Variants in PRKCE observed in about 807,000 individuals in gnomAD.
The protein encoded by PRKCE is protein kinase C epsilon type.
Under a neutral mutation model 85.4 loss-of-function variants are expected in PRKCE, and 16 were observed. The observed-to-expected ratio is 0.19, with a 90% CI of 0.13 to 0.28. The LOEUF (loss-of-function observed/expected upper bound fraction) is 0.28. Among genes scored for constraint, PRKCE ranks in the 10% least tolerant of loss-of-function variants. The pLI, the probability that PRKCE is intolerant of heterozygous loss-of-function variation, is 1.00. For missense variants in PRKCE, 573 were observed against 975.2 expected (o/e 0.59, Z 5.49); for synonymous variants, 388 against 371.5 (o/e 1.04, Z -0.51).
intron 10 of PRKCE, among the ~76,000 whole-genome samples, chr2:46,054,974 A>G (rs2105084509): frequency 6.6e-6 from 1 of 152,208 alleles, no homozygotes; most frequent in African/African-American, 2.4e-5. Flanking sequence ...TTCCCACTCC[A>G]TCCCCTTTTC....
chr2:45,978,672 C>A, intron 3 of PRKCE: 3 of 317,504 alleles, frequency 9.4e-6, no homozygotes, highest in South Asian at 9.6e-5. Context: ...CTACCAGGAG[C>A]AAGCAGGGTC....
At chr2:45,754,145 A>G (rs996274850) in intron 1 of PRKCE, among the ~76,000 whole-genome samples, 46 of 152,302 alleles carry the variant, frequency 3.0e-4, no homozygotes, top group Non-Finnish European at 5.4e-4. Flanking sequence ...GAGCTGTTGA[A>G]ATGCATCTGA....
At chr2:45,984,749 C>T in intron 6 of PRKCE, 69 bp downstream of exon 6, 11 of 1,541,030 alleles carry the variant, frequency 7.1e-6, no homozygotes, top group Non-Finnish European at 9.6e-6. Context: ...CCCATCCCTG[C>T]TTTATAAAAA....
At chr2:46,029,815 G>A (rs1455934320) in intron 10 of PRKCE, among the ~76,000 whole-genome samples, 2 of 152,008 alleles carry the variant, frequency 1.3e-5, no homozygotes. Flanking sequence ...AACTCCTGCA[G>A]CTTTTTTTGA....
intron 2 of PRKCE, among the ~76,000 whole-genome samples, chr2:45,896,688 C>T (rs1408071853): frequency 6.6e-6 from 1 of 152,202 alleles, no homozygotes; most frequent in Non-Finnish European, 1.5e-5. Context: ...AAAACATATG[C>T]AGTTGGCAAA....
At chr2:45,696,385 C>A (rs1214983615) in intron 1 of PRKCE, among the ~76,000 whole-genome samples, 1 of 151,994 alleles carries the variant, frequency 6.6e-6, no homozygotes, top group Non-Finnish European at 1.5e-5. Context: ...ATTGCCAGGG[C>A]CCCAAAAGAG....
At chr2:45,758,075 G>A (rs1417224036) in intron 1 of PRKCE, among the ~76,000 whole-genome samples, 1 of 152,212 alleles carries the variant, frequency 6.6e-6, no homozygotes, top group Non-Finnish European at 1.5e-5. Flanking sequence ...CCAGTACAGA[G>A]AAGGCTGAGG....
In PRKCE at chr2:45,667,081, C is replaced by T. The variant is rs563146750; in HGVS notation, c.348+14633C>T. Reference sequence around the variant, plus strand: ...ATCCCAGCACTTTGGGAGGCCGGGGCGGGCGAATCACCTGAGGTCAGGAGT... The same window carrying T: ...ATCCCAGCACTTTGGGAGGCCGGGGTGGGCGAATCACCTGAGGTCAGGAGT... On this transcript the variant is annotated intron_variant, in intron 1 of 14. Coordinates refer to ENST00000306156, the MANE Select transcript of PRKCE (RefSeq NM_005400.3). Among the ~76,000 whole-genome samples, 232 of 152,228 alleles carry T rather than the reference C, an allele frequency of 1.5e-3. 1 individual carries two copies. The highest frequency in any genetic ancestry group is 2.7e-3 in the Admixed American group (42 of 15,294).
rs1474891721 is a variant in PRKCE at position 46,155,119 on chromosome 2, C to T, written c.1920+3890C>T. Reference sequence around the variant, plus strand: ...GGGTGGGGCAGGGTAAACGGAGACCCCTCATGATCCCCCAGCAGCAACGAG... The same window carrying T: ...GGGTGGGGCAGGGTAAACGGAGACCTCTCATGATCCCCCAGCAGCAACGAG... On this transcript the variant is annotated intron_variant, in intron 13 of 14. Transcript: ENST00000306156. This position sits in a 1 kb window ranked among gnomAD's most constrained non-coding sequence, Gnocchi z 4.7. 2.0e-5 allele frequency among the ~76,000 whole-genome samples: 3 copies of T among 152,142 alleles called. No individual in the cohort carries two copies. Among genetic ancestry groups the T allele is most frequent in the Non-Finnish European group, 4.4e-5 (3 of 68,034 alleles).
chr2:46,124,272 C>A (rs1673632873), intron 11 of PRKCE, among the ~76,000 whole-genome samples: 1 of 152,108 alleles, frequency 6.6e-6, no homozygotes, highest in South Asian at 2.1e-4. Flanking sequence ...TTGCAGTGAT[C>A]CAAGATCGCA....
At chr2:46,082,415 G>C (rs1242866141) in intron 10 of PRKCE, among the ~76,000 whole-genome samples, 2 of 152,216 alleles carry the variant, frequency 1.3e-5, no homozygotes, top group Non-Finnish European at 2.9e-5. Flanking sequence ...TTTCTGAAGG[G>C]TGAAGCTTTG....
intron 1 of PRKCE, among the ~76,000 whole-genome samples, chr2:45,828,448 A>T (rs552919128): frequency 6.6e-6 from 1 of 152,326 alleles, no homozygotes; most frequent in South Asian, 2.1e-4. Context: ...TTTCCTTAAT[A>T]TGTTCAAACT....
chr2:45,996,265 T>C (rs1574160719), intron 6 of PRKCE, among the ~76,000 whole-genome samples: 1 of 152,214 alleles, frequency 6.6e-6, no homozygotes, highest in Non-Finnish European at 1.5e-5. Context: ...TTGATTCTTT[T>C]GGATTTTCTA....
intron 1 of PRKCE, among the ~76,000 whole-genome samples, chr2:45,692,370 G>T (rs1464534561): frequency 6.6e-6 from 1 of 152,052 alleles, no homozygotes; most frequent in East Asian, 1.9e-4. Flanking sequence ...GTACTCCTGG[G>T]CTTGTGTTAG....
intron 3 of PRKCE, chr2:45,978,169 C>T (rs1365237067): frequency 2.6e-5 from 4 of 152,270 alleles, no homozygotes; most frequent in Non-Finnish European, 5.9e-5. Flanking sequence ...GCTGTCTGAC[C>T]TTCACTTGCT....
chr2:45,885,502 G>C (rs1695227974), intron 2 of PRKCE, among the ~76,000 whole-genome samples: 1 of 152,150 alleles, frequency 6.6e-6, no homozygotes, highest in African/African-American at 2.4e-5. Flanking sequence ...TGTGTATTTT[G>C]ATACATGTCT....
intron 1 of PRKCE, chr2:45,675,613 C>G (rs1337924419): frequency 2.0e-5 from 3 of 152,224 alleles, no homozygotes; most frequent in African/African-American, 7.2e-5. Flanking sequence ...CGGTTTGGTC[C>G]TCCTCATTTC....
At chr2:45,712,841 C>A (rs1244285988) in intron 1 of PRKCE, among the ~76,000 whole-genome samples, 1 of 152,152 alleles carries the variant, frequency 6.6e-6, no homozygotes, top group Non-Finnish European at 1.5e-5. Context: ...AGCACACTTC[C>A]CTGTCCTTGG....
intron 1 of PRKCE, among the ~76,000 whole-genome samples, chr2:45,752,127 A>G (rs11125032): frequency 2.0e-5 from 3 of 152,188 alleles, no homozygotes; most frequent in Admixed American, 6.5e-5. Context: ...GCTAACCACT[A>G]TTAGCAAGAA....
Sources: allele counts gnomAD v4.1 joint callset (sites outside exome capture counted in the v4.1 genomes callset), GRCh38; gene constraint gnomAD v4.1.1; non-coding constraint Gnocchi (gnomAD v3.1); transcripts MANE v1.5; gene names NCBI Gene and HGNC (gene_info 2026-07-23, HGNC 2026-07-21).